SLC12A6: variants seen among roughly 807,000 people sequenced by gnomAD.
SLC12A6 encodes the protein solute carrier family 12 member 6.
Under a neutral mutation model 135.3 loss-of-function variants are expected in SLC12A6, and 66 were observed. The observed-to-expected ratio is 0.49, with a 90% CI of 0.40 to 0.60. The LOEUF (loss-of-function observed/expected upper bound fraction) is 0.60, where lower values mean the gene tolerates loss of function less well. Among genes scored for constraint, SLC12A6 ranks in the 20% least tolerant of loss-of-function variants. SLC12A6 has a pLI of 0.00. For synonymous variants in SLC12A6, 513 were observed against 508.8 expected (o/e 1.01, Z -0.11); for missense variants, 1,058 against 1,452.3 (o/e 0.73, Z 4.41).
At chr15:34,237,783 AG>A (rs1473974165) in intron 21 of SLC12A6, among the ~76,000 whole-genome samples, 1 of 152,134 alleles carries the variant, frequency 6.6e-6, no homozygotes, top group South Asian at 2.1e-4. Context: ...CACTGGCAAA[AG>A]AAAAGATGGT....
chr15:34,312,492 A>T (rs763673080), intron 2 of SLC12A6, among the ~76,000 whole-genome samples: 4 of 152,230 alleles, frequency 2.6e-5, no homozygotes, highest in Non-Finnish European at 4.4e-5. Flanking sequence ...AGAATCAAGT[A>T]AACAGATTAT....
At chr15:34,330,113 C>G (rs1272717059) in intron 2 of SLC12A6, among the ~76,000 whole-genome samples, 2 of 152,120 alleles carry the variant, frequency 1.3e-5, no homozygotes, top group African/African-American at 4.8e-5. Flanking sequence ...TCAAAAGTAT[C>G]TTTTTTCAAT....
At chr15:34,305,079 A>G (rs1025953689) in intron 2 of SLC12A6, among the ~76,000 whole-genome samples, 1 of 152,190 alleles carries the variant, frequency 6.6e-6, no homozygotes, top group African/African-American at 2.4e-5. Context: ...ACCATCTCCT[A>G]GTTTCCAGTG....
rs565865688 is a variant in SLC12A6, at chr15:34,326,448, G to A, written c.271+9962C>T. Among the ~76,000 whole-genome samples the A allele has an allele frequency of 1.5e-4, 23 of 152,262 alleles. No individual in the cohort carries two copies. The East Asian group carries it at 4.2e-3, about 28-fold the overall frequency. On this transcript the variant is annotated intron_variant, in intron 2 of 25. Coordinates refer to ENST00000354181, the MANE Select transcript of SLC12A6 (RefSeq NM_001365088.1). ...CATATTTCTAAAAATGTGAGGAAAG[G>A]AAAATGAAAACACAATCCAAAACAA... is the stretch of plus-strand genomic sequence containing the variant.
At chr15:34,320,634 A>G (rs545130709) in intron 2 of SLC12A6, among the ~76,000 whole-genome samples, 7 of 149,956 alleles carry the variant, frequency 4.7e-5, no homozygotes, top group African/African-American at 1.7e-4. Context: ...AGAAAAAGCT[A>G]GGCTGGGTGA....
intron 2 of SLC12A6, among the ~76,000 whole-genome samples, chr15:34,290,959 T>C (rs1405792526): frequency 1.3e-5 from 2 of 152,340 alleles, no homozygotes; most frequent in South Asian, 2.1e-4. Flanking sequence ...TGTCTTTTAA[T>C]TGGGGCACTT....
chr15:34,252,451 A>G (rs1892460585), intron 9 of SLC12A6, 67 bp from the exon 10 acceptor site: 9 of 918,580 alleles, frequency 9.8e-6, no homozygotes. Context: ...AAAAGGAAAC[A>G]GGTTAGTAAA....
chr15:34,283,303 A>G (rs2140925321), intron 2 of SLC12A6, among the ~76,000 whole-genome samples: 1 of 152,296 alleles, frequency 6.6e-6, no homozygotes, highest in African/African-American at 2.4e-5. Flanking sequence ...AGACTGCACC[A>G]TTGCACTCCA....
chr15:34,245,771 C>T lies in SLC12A6; in HGVS notation c.1746G>A (p.Gly582=), dbSNP rs2140693160. The change falls in exon 14 of 26, where the codon GGG becomes GGA. Residue 582 remains glycine (G), a synonymous_variant. Transcript: ENST00000354181. The part of the protein sequence containing the change: ...IVIGSFFSTC[G]AGLQSLTGAP... The stretch of plus-strand genomic sequence containing the variant: ...CACCTGTGAGGCTCTGAAGTCCAGC[C>T]CCACATGTTGAAAAGAAGGAGCCAA... 6.2e-7 allele frequency: 1 copy of T among 1,613,712 alleles called. No individual in the cohort carries two copies. The highest frequency in any genetic ancestry group is 8.5e-7 in the Non-Finnish European group (1 of 1,179,676).
chr15:34,250,185 A>G (rs1892288449), intron 13 of SLC12A6, 113 bp downstream of exon 13: 1 of 788,720 alleles, frequency 1.3e-6, no homozygotes, highest in Non-Finnish European at 2.3e-6. Context: ...GATTACAGGC[A>G]TGAGCCACGG....
intron 2 of SLC12A6, among the ~76,000 whole-genome samples, chr15:34,291,174 TTGG>T (rs143009051): frequency 0.023 from 3,533 of 152,286 alleles, 138 homozygotes; most frequent in African/African-American, 0.081. Context: ...TAAGACAGAC[TTGG>T]TGGTGACAAA....
rs568751314 is a variant in SLC12A6 at position 34,322,410 on chromosome 15, A to G, written c.271+14000T>C. 2.6e-5 allele frequency among the ~76,000 whole-genome samples: 4 copies of G among 152,214 alleles called. No individual in the cohort carries two copies. In the South Asian group the frequency reaches 8.3e-4, roughly 32 times the overall value. On this transcript the variant is annotated intron_variant, in intron 2 of 25. Transcript: ENST00000354181. ...AACAAAAACAAAAACTCGTGCCTTC[A>G]CTGTACGAAAAGTTTACCTCAAAAG... is the stretch of plus-strand genomic sequence containing the variant.
chr15:34,269,337 A>G (rs1893749530), intron 3 of SLC12A6, among the ~76,000 whole-genome samples: 1 of 152,142 alleles, frequency 6.6e-6, no homozygotes, highest in African/African-American at 2.4e-5. Context: ...GGTATACCAA[A>G]GGTCTTACTC....
intron 2 of SLC12A6, among the ~76,000 whole-genome samples, chr15:34,320,495 G>T (rs2141126167): frequency 6.6e-6 from 1 of 151,880 alleles, no homozygotes; most frequent in East Asian, 1.9e-4. Flanking sequence ...GGAAGGGTAG[G>T]GGGGAAGGAG....
chr15:34,274,047 C>T (rs1195845640), intron 3 of SLC12A6, among the ~76,000 whole-genome samples: 1 of 152,040 alleles, frequency 6.6e-6, no homozygotes, highest in East Asian at 1.9e-4. Flanking sequence ...ATCTTATATA[C>T]TGGATATAAG....
At chr15:34,294,725 A>C (rs1329658897) in intron 2 of SLC12A6, among the ~76,000 whole-genome samples, 1 of 152,008 alleles carries the variant, frequency 6.6e-6, no homozygotes, top group Non-Finnish European at 1.5e-5. Flanking sequence ...GCACCACTAT[A>C]ACTGGCTAAT....
intron 25 of SLC12A6, among the ~76,000 whole-genome samples, chr15:34,234,772 AG>A (rs923043201): frequency 6.6e-6 from 1 of 152,182 alleles, no homozygotes; most frequent in African/African-American, 2.4e-5. Context: ...TGAAGGTATG[AG>A]GAAGAATCCC....
In SLC12A6 at chr15:34,336,279, A is replaced by G. The variant is rs1435343934; in HGVS notation, c.271+131T>C. On this transcript the variant is annotated intron_variant, in intron 2 of 25. Transcript: ENST00000354181. ...CCAAAGAGTTCCTAAGCATCTCACA[A>G]AGAGATGCCTTGGTTCCTGATGACT... 3.8e-6 allele frequency: 3 copies of G among 785,994 alleles called. No individual in the cohort carries two copies. In the Admixed American group the frequency reaches 6.1e-5, roughly 16 times the overall value. The allele number at this position is 785,994 out of a possible 1,614,324, so 48.7% of individuals were successfully genotyped here. A position where few individuals can be genotyped will look rare whatever the true frequency, so the allele number is the denominator to read the frequency against.
chr15:34,294,616 T>C (rs1005717805), intron 2 of SLC12A6, among the ~76,000 whole-genome samples: 1 of 151,968 alleles, frequency 6.6e-6, no homozygotes, highest in Non-Finnish European at 1.5e-5. Flanking sequence ...TGCTCATGAT[T>C]GAGTTCAATG....
Sources: allele counts gnomAD v4.1 joint callset (sites outside exome capture counted in the v4.1 genomes callset), GRCh38; gene constraint gnomAD v4.1.1; transcripts MANE v1.5; gene names NCBI Gene and HGNC (gene_info 2026-07-23, HGNC 2026-07-21).